Variants in TMEM128 observed in about 807,000 individuals in gnomAD.
The protein encoded by TMEM128 is transmembrane protein 128.
Under a neutral mutation model 19.7 loss-of-function variants are expected in TMEM128, and 16 were observed. The observed-to-expected ratio is 0.81, with a 90% CI of 0.55 to 1.23. The LOEUF (loss-of-function observed/expected upper bound fraction) is 1.23. Ranked by LOEUF, TMEM128 falls within the 50% of genes most tolerant of loss-of-function variation. TMEM128 has a pLI of 0.00. For synonymous variants in TMEM128, 98 were observed against 75.8 expected (o/e 1.29, Z -1.52); for missense variants, 237 against 200.8 (o/e 1.18, Z -1.09).
intron 2 of TMEM128, among the ~76,000 whole-genome samples, chr4:4,243,917 A>G (rs966961846): frequency 2.0e-5 from 3 of 152,140 alleles, no homozygotes; most frequent in Non-Finnish European, 4.4e-5. Context: ...GTTCTCTCAC[A>G]TCTCCTAAAA....
chr4:4,242,243 A>G (rs1717987546), intron 2 of TMEM128, among the ~76,000 whole-genome samples: 3 of 152,194 alleles, frequency 2.0e-5, no homozygotes, highest in Admixed American at 6.5e-5. Flanking sequence ...AAAAATGTCC[A>G]TGTTCATCTT....
Position 4,236,062 on chromosome 4 carries a change from C to T in TMEM128, c.*204G>A, listed in dbSNP as rs1717705873. 1.3e-5 allele frequency: 2 copies of T among 152,162 alleles called. No homozygotes were observed. The highest frequency in any genetic ancestry group is 4.8e-5 in the African/African-American group (2 of 41,442). The allele number at this position is 152,162 out of a possible 1,614,324, so 9.4% of individuals were successfully genotyped here. ...ACCATTCACTTCATAGCTGCAAAAACACACTGTAGCTTTTCTGTTAGGGTC... is the reference window on the plus strand; with the variant it reads ...ACCATTCACTTCATAGCTGCAAAAATACACTGTAGCTTTTCTGTTAGGGTC... On this transcript the variant is annotated 3_prime_UTR_variant, in exon 5 of 5. Coordinates refer to ENST00000382753, the MANE Select transcript of TMEM128 (RefSeq NM_001297551.2).
rs531956990 is a variant in TMEM128 at position 4,248,177 on chromosome 4, T to G, written c.26A>C (p.Gln9Pro). 3.3e-6 allele frequency: 5 copies of G among 1,531,718 alleles called. No homozygotes were observed. In the African/African-American group the frequency reaches 7.0e-5, roughly 21 times the overall value. 94.9% of individuals were successfully genotyped at this position (1,531,718 alleles called of 1,614,324 possible). MDSSRARQQLRRRFLLLPD... is the reference protein window; with the variant it reads MDSSRARQPLRRRFLLLPD... ...CAGGAGGAGGAATCGCCGCCGGAGC[T>G]GCTGCCGGGCCCGCGAGGAGTCCAT... Residue 9 changes from glutamine (Q) to proline (P), a missense_variant, in exon 1 of 5, where the codon CAG becomes CCG. Coordinates refer to ENST00000382753, the MANE Select transcript of TMEM128 (RefSeq NM_001297551.2).
intron 2 of TMEM128, among the ~76,000 whole-genome samples, chr4:4,241,623 T>C (rs1463890224): frequency 1.3e-5 from 2 of 152,182 alleles, no homozygotes; most frequent in Non-Finnish European, 2.9e-5. Flanking sequence ...ATGAAGGCTT[T>C]TTACGATGAT....
chr4:4,242,079 T>C (rs185332034), intron 2 of TMEM128, among the ~76,000 whole-genome samples: 263 of 152,208 alleles, frequency 1.7e-3, no homozygotes, highest in African/African-American at 6.1e-3. Context: ...TTTTTGTATT[T>C]TTAGTAGAGA....
rs138021184 is a variant in TMEM128, at chr4:4,247,096, G to A, written c.98-753C>T. On this transcript the variant is annotated intron_variant, in intron 1 of 4. Coordinates refer to ENST00000382753, the MANE Select transcript of TMEM128 (RefSeq NM_001297551.2). ...AAATATTTTAGTTACTTTAAACACA[G>A]CTCAAAAGTGGAAACGGCACACCAG... Among the ~76,000 whole-genome samples, 50 of 152,262 alleles carry A rather than the reference G, an allele frequency of 3.3e-4. No individual in the cohort carries two copies. In the East Asian group the frequency reaches 8.9e-3, roughly 27 times the overall value.
chr4:4,247,748 G>A, intron 1 of TMEM128: 1 of 1,553,294 alleles, frequency 6.4e-7, no homozygotes, highest in South Asian at 1.2e-5. Context: ...GGGCAAGGCA[G>A]ATATTTCCAG....
At chr4:4,247,523 A>G in intron 1 of TMEM128, 1 of 1,605,870 alleles carries the variant, frequency 6.2e-7, no homozygotes, top group Non-Finnish European at 8.5e-7. Context: ...TAATCCCCAG[A>G]AGCAACCACC....
intron 1 of TMEM128, 40 bp downstream of exon 1, chr4:4,248,066 C>A (rs1410222802): frequency 3.3e-6 from 5 of 1,532,910 alleles, no homozygotes; most frequent in South Asian, 2.4e-5. Flanking sequence ...TCCGACGCCT[C>A]GCCTCTGAGA....
chr4:4,239,064 T>C (rs1019812719), intron 3 of TMEM128, among the ~76,000 whole-genome samples: 1 of 152,082 alleles, frequency 6.6e-6, no homozygotes, highest in Non-Finnish European at 1.5e-5. Flanking sequence ...CCAATTGATA[T>C]AAAGAAAGAA....
intron 3 of TMEM128, among the ~76,000 whole-genome samples, chr4:4,239,331 GT>G (rs1717851427): frequency 6.6e-6 from 1 of 152,138 alleles, no homozygotes; most frequent in Non-Finnish European, 1.5e-5. Context: ...AATAAATCAT[GT>G]TATGTCCATG....
chr4:4,246,908 G>C (rs551532707), intron 1 of TMEM128, among the ~76,000 whole-genome samples: 1 of 151,738 alleles, frequency 6.6e-6, no homozygotes, highest in Non-Finnish European at 1.5e-5. Flanking sequence ...CCACCACGCC[G>C]GGCTAATTTT....
At chr4:4,243,351 G>T (rs544383597) in intron 2 of TMEM128, among the ~76,000 whole-genome samples, 1 of 152,282 alleles carries the variant, frequency 6.6e-6, no homozygotes, top group African/African-American at 2.4e-5. Flanking sequence ...CAAAGCGCTG[G>T]GATTACAGGC....
In TMEM128 at chr4:4,241,460, C is replaced by T. The variant is rs188767435; in HGVS notation, c.240-981G>A. Among the ~76,000 whole-genome samples, 4 of 152,322 alleles carry T rather than the reference C, an allele frequency of 2.6e-5. No individual in the cohort carries two copies. The East Asian group carries it at 7.7e-4, about 29-fold the overall frequency. The stretch of plus-strand genomic sequence containing the variant: ...TGGGGACTGAAATGCCTTTCCCATT[C>T]TCCCAACTCAATCCAATATCCCATC... On this transcript the variant is annotated intron_variant, in intron 2 of 4. Transcript: ENST00000382753.
Position 4,235,623 on chromosome 4 carries a change from C to T in TMEM128, c.*643G>A, listed in dbSNP as rs1381343414. On this transcript the variant is annotated 3_prime_UTR_variant, in exon 5 of 5. Coordinates refer to ENST00000382753, the MANE Select transcript of TMEM128 (RefSeq NM_001297551.2). ...GATTAAAACTTCACATTAGGAAATGCTAAAAACCCAGTAATGTACATAATG... is the reference window on the plus strand; with the variant it reads ...GATTAAAACTTCACATTAGGAAATGTTAAAAACCCAGTAATGTACATAATG... 1 of 152,482 alleles carries T rather than the reference C, an allele frequency of 6.6e-6. No individual in the cohort carries two copies. The highest frequency in any genetic ancestry group is 1.5e-5 in the Non-Finnish European group (1 of 67,992). 9.4% of individuals were successfully genotyped at this position (152,482 alleles called of 1,614,324 possible). A position where few individuals can be genotyped will look rare whatever the true frequency, so the allele number is the denominator to read the frequency against.
At chr4:4,240,623 C>T in intron 2 of TMEM128, 144 bp from the exon 3 acceptor site, 1 of 874,772 alleles carries the variant, frequency 1.1e-6, no homozygotes, top group Non-Finnish European at 1.7e-6. Context: ...TCCATGCTTT[C>T]AGAAAGTCTC....
intron 1 of TMEM128, among the ~76,000 whole-genome samples, chr4:4,247,277 C>A (rs1718220426): frequency 1.3e-5 from 2 of 152,096 alleles, no homozygotes; most frequent in South Asian, 4.1e-4. Context: ...TCTAGGTTCA[C>A]GTGAGAATCA....
chr4:4,241,247 G>A, intron 2 of TMEM128, among the ~76,000 whole-genome samples: 1 of 152,172 alleles, frequency 6.6e-6, no homozygotes, highest in East Asian at 1.9e-4. Context: ...CAATTAGGAA[G>A]ATCAATAATT....
chr4:4,246,159 A>C, intron 2 of TMEM128, 43 bp downstream of exon 2: 4 of 1,565,676 alleles, frequency 2.6e-6, no homozygotes, highest in Non-Finnish European at 3.5e-6. Context: ...AACACGAAAA[A>C]TCAGACTTGG....
Sources: allele counts gnomAD v4.1 joint callset (sites outside exome capture counted in the v4.1 genomes callset), GRCh38; gene constraint gnomAD v4.1.1; transcripts MANE v1.5; gene names NCBI Gene and HGNC (gene_info 2026-07-23, HGNC 2026-07-21).